The following ERICH1 variants were observed in gnomAD, a reference collection of about 807,000 sequenced individuals.
ERICH1 encodes glutamate-rich protein 1.
Under a neutral mutation model 39.6 loss-of-function variants are expected in ERICH1, and 56 were observed. That is an observed-to-expected ratio of 1.41 (90% CI 1.14 to 1.77). The LOEUF (loss-of-function observed/expected upper bound fraction) is 1.77. ERICH1 is among the 40% of genes most tolerant of loss of function. ERICH1 has a pLI of 0.00. For missense variants in ERICH1, 826 were observed against 575.4 expected (o/e 1.44, Z -4.45); for synonymous variants, 313 against 223.6 (o/e 1.40, Z -3.57).
At chr8:636,899 T>G (rs1182783093) in intron 3 of ERICH1, among the ~76,000 whole-genome samples, 2 of 152,202 alleles carry the variant, frequency 1.3e-5, no homozygotes, top group Admixed American at 1.3e-4. Context: ...ACAGCCCACT[T>G]TCTGCAGGGT....
intron 2 of ERICH1, among the ~76,000 whole-genome samples, chr8:696,980 C>A (rs1025336540): frequency 6.6e-6 from 1 of 152,124 alleles, no homozygotes; most frequent in African/African-American, 2.4e-5. Context: ...CCTGTGCTTG[C>A]TCCTCTTACC....
intron 2 of ERICH1, among the ~76,000 whole-genome samples, chr8:700,127 GCGCACAGACC>G (rs1357437824): frequency 7.7e-6 from 1 of 130,394 alleles, no homozygotes; most frequent in Non-Finnish European, 1.6e-5. Flanking sequence ...ACCCTCACAG[GCGCACAGACC>G]CGCACAGGCG....
chr8:691,489 A>G (rs1448669557), intron 3 of ERICH1, among the ~76,000 whole-genome samples: 1 of 152,240 alleles, frequency 6.6e-6, no homozygotes, highest in African/African-American at 2.4e-5. Context: ...CGCGGACAAC[A>G]GGAAGGGCGT....
intron 2 of ERICH1, among the ~76,000 whole-genome samples, chr8:707,356 T>A (rs558653135): frequency 4.6e-5 from 7 of 151,996 alleles, no homozygotes; most frequent in Non-Finnish European, 1.0e-4. Flanking sequence ...TACAGGTACC[T>A]GCCACCATGC....
chr8:720,601 G>C (rs761860589), intron 1 of ERICH1, among the ~76,000 whole-genome samples: 5 of 152,180 alleles, frequency 3.3e-5, no homozygotes, highest in East Asian at 1.9e-4. Flanking sequence ...GCTAATTCAC[G>C]ACGGTCAACA....
intron 1 of ERICH1, among the ~76,000 whole-genome samples, chr8:721,257 A>T (rs13248583): frequency 0.83 from 127,007 of 152,108 alleles, 53,339 homozygotes; most frequent in Non-Finnish European, 0.87. Context: ...AGTATTTTTT[A>T]AAAAATATAA....
At chr8:708,773 A>T (rs1814036766) in intron 2 of ERICH1, among the ~76,000 whole-genome samples, 1 of 138,880 alleles carries the variant, frequency 7.2e-6, no homozygotes, top group African/African-American at 2.7e-5. Context: ...GGCTCACTGA[A>T]GTCTTGTCTT....
chr8:681,018 A>C (rs971158142), intron 3 of ERICH1, among the ~76,000 whole-genome samples: 1 of 152,220 alleles, frequency 6.6e-6, no homozygotes. Context: ...ATGCAGACTC[A>C]TGAACTGCAC....
At chr8:705,961 G>A (rs11785436) in intron 2 of ERICH1, among the ~76,000 whole-genome samples, 24,839 of 152,088 alleles carry the variant, frequency 0.16, 2,492 homozygotes, top group Middle Eastern at 0.3. Flanking sequence ...ATAGGACGGC[G>A]GACCCTGAAG....
Position 664,652 on chromosome 8 carries a change from A to G in ERICH1, c.1283T>C (p.Phe428Ser). The G allele has an allele frequency of 6.2e-7, 1 of 1,612,904 alleles. No individual in the cohort carries two copies. Among genetic ancestry groups the G allele is most frequent in the Non-Finnish European group, 8.5e-7 (1 of 1,179,696 alleles). ...GATATGTGTGATCCAGTAACTAAAG[A>G]AAGCTGAGATTACTCTGGCATGGTC... ...PPDHARVISAFFSYWITHILP... is the reference protein window; with the variant it reads ...PPDHARVISASFSYWITHILP... The change falls in exon 6 of 6, where the codon TTC (phenylalanine) becomes TCC (serine). Residue 428 changes from phenylalanine (F) to serine (S), a missense_variant. By Grantham distance (155) the Phe-to-Ser change is radical. Coordinates refer to ENST00000262109, the MANE Select transcript of ERICH1 (RefSeq NM_207332.3).
intron 2 of ERICH1, among the ~76,000 whole-genome samples, chr8:695,261 T>A (rs1471441523): frequency 2.0e-5 from 3 of 151,958 alleles, no homozygotes; most frequent in Non-Finnish European, 4.4e-5. Flanking sequence ...CCCTCATCCG[T>A]TCCCTCCTGG....
intron 3 of ERICH1, among the ~76,000 whole-genome samples, chr8:634,184 A>ACT (rs1798248400): frequency 1.2e-5 from 1 of 85,768 alleles, no homozygotes; most frequent in African/African-American, 5.0e-5. Flanking sequence ...AAAAAAAAAA[A>ACT]AACAAACAAA....
chr8:678,054 T>G (rs1304219704), intron 3 of ERICH1, among the ~76,000 whole-genome samples: 2 of 152,078 alleles, frequency 1.3e-5, no homozygotes, highest in Non-Finnish European at 2.9e-5. Context: ...TTTAAAAAGG[T>G]GAAGGAGGCA....
intron 2 of ERICH1, among the ~76,000 whole-genome samples, chr8:695,727 C>T (rs1477500978): frequency 8.1e-6 from 1 of 124,066 alleles, no homozygotes; most frequent in African/African-American, 3.5e-5. Context: ...TCTACTTCCT[C>T]CCCATCAGCC....
intron 3 of ERICH1, among the ~76,000 whole-genome samples, chr8:677,657 C>T (rs909519119): frequency 2.8e-4 from 42 of 152,282 alleles, no homozygotes; most frequent in Admixed American, 2.0e-4. Context: ...CACGTCTAGG[C>T]AATCCATTTT....
downstream of ERICH1, among the ~76,000 whole-genome samples, chr8:663,376 G>A (rs1345102985): frequency 6.6e-6 from 1 of 152,210 alleles, no homozygotes; most frequent in African/African-American, 2.4e-5. Context: ...GAATGGCCCT[G>A]ATCAGCACTG....
intron 2 of ERICH1, among the ~76,000 whole-genome samples, chr8:702,988 G>A (rs1274358270): frequency 2.0e-5 from 3 of 152,194 alleles, no homozygotes; most frequent in African/African-American, 7.2e-5. Flanking sequence ...GCCCAGAACT[G>A]CCCACACCAC....
At chr8:618,810 G>C (rs1021091813) in intron 3 of ERICH1, among the ~76,000 whole-genome samples, 1 of 152,124 alleles carries the variant, frequency 6.6e-6, no homozygotes, top group Non-Finnish European at 1.5e-5. Flanking sequence ...AGCGCCACTT[G>C]AGACAAGGTC....
chr8:714,861 G>A (rs745344783), intron 2 of ERICH1, among the ~76,000 whole-genome samples: 2 of 151,922 alleles, frequency 1.3e-5, no homozygotes, highest in South Asian at 4.2e-4. Flanking sequence ...TACATAGGTG[G>A]TCTATTCCCG....
Sources: gnomAD v4.1 joint callset for allele counts (sites outside exome capture counted in the v4.1 genomes callset) on GRCh38, gnomAD v4.1.1 for gene constraint, MANE v1.5 for transcripts, NCBI Gene and HGNC (gene_info 2026-07-23, HGNC 2026-07-21) for gene names.